The following PTPRT variants were observed in gnomAD, a reference collection of about 807,000 sequenced individuals.
The protein encoded by PTPRT is receptor-type tyrosine-protein phosphatase T.
PTPRT carries 56 observed loss-of-function variants against 176.8 expected under a neutral mutation model. The ratio of observed to expected loss-of-function variants is 0.32; its 90% CI spans 0.26 to 0.40. The LOEUF (loss-of-function observed/expected upper bound fraction) is 0.40. Ranked by LOEUF, PTPRT falls within the 10% of genes least tolerant of loss-of-function variation. The pLI, the probability that PTPRT is intolerant of heterozygous loss-of-function variation, is 1.00. For missense variants in PTPRT, 1,540 were observed against 1,908.2 expected (o/e 0.81, Z 3.60); for synonymous variants, 783 against 739.0 (o/e 1.06, Z -0.96).
At chr20:42,323,211 A>C (rs1405096352) in intron 11 of PTPRT, among the ~76,000 whole-genome samples, 1 of 151,746 alleles carries the variant, frequency 6.6e-6, no homozygotes, top group Non-Finnish European at 1.5e-5. Context: ...GCGATTCCTC[A>C]GGGATCTAGA....
chr20:42,081,086 G>A (rs1983280073), intron 30 of PTPRT, among the ~76,000 whole-genome samples, 154 bp from the exon 31 acceptor site: 2 of 152,050 alleles, frequency 1.3e-5, no homozygotes, highest in Admixed American at 6.5e-5. Context: ...CCCATATCTG[G>A]ACATCCTTCA....
intron 1 of PTPRT, among the ~76,000 whole-genome samples, chr20:42,990,201 G>A (rs969408423): frequency 6.6e-6 from 1 of 152,090 alleles, no homozygotes. Flanking sequence ...TTAGAACAGG[G>A]GTCAGAAAAC....
At chr20:42,062,680 C>T in the PTPRT span, among the ~76,000 whole-genome samples, 1 of 152,326 alleles carries the variant, frequency 6.6e-6, no homozygotes, top group South Asian at 2.1e-4. Flanking sequence ...GGCCTCTGCC[C>T]CCTTTTTTTC....
intron 7 of PTPRT, among the ~76,000 whole-genome samples, chr20:42,671,999 C>T (rs2075420981): frequency 6.6e-6 from 1 of 152,210 alleles, no homozygotes; most frequent in South Asian, 2.1e-4. Context: ...TACATCTTCA[C>T]CTCCAACACA....
At chr20:42,637,953 C>A (rs765087265) in intron 7 of PTPRT, among the ~76,000 whole-genome samples, 21 of 152,064 alleles carry the variant, frequency 1.4e-4, no homozygotes, top group African/African-American at 2.2e-4. Flanking sequence ...GAGAGAATTT[C>A]TGTTATACAT....
intron 1 of PTPRT, among the ~76,000 whole-genome samples, chr20:43,142,554 C>G (rs1314246463): frequency 6.6e-6 from 1 of 152,204 alleles, no homozygotes; most frequent in Non-Finnish European, 1.5e-5. Context: ...AAGAATCGTG[C>G]TGCTTGCTGT....
intron 14 of PTPRT, among the ~76,000 whole-genome samples, chr20:42,246,825 C>A (rs2056460268): frequency 6.6e-6 from 1 of 152,190 alleles, no homozygotes; most frequent in African/African-American, 2.4e-5. Context: ...CAATCCCAAA[C>A]TCACCTCTGC....
At chr20:42,509,444 T>C (rs1400999505) in intron 7 of PTPRT, among the ~76,000 whole-genome samples, 8 of 97,472 alleles carry the variant, frequency 8.2e-5, no homozygotes, top group African/African-American at 3.3e-4. Flanking sequence ...TTATATAATT[T>C]ATATTTAATT....
intron 1 of PTPRT, among the ~76,000 whole-genome samples, chr20:43,134,390 G>C (rs567918450): frequency 2.0e-5 from 3 of 152,238 alleles, no homozygotes; most frequent in African/African-American, 7.2e-5. Context: ...TTTGCTCTCT[G>C]ATCTCCCTCA....
intron 1 of PTPRT, among the ~76,000 whole-genome samples, chr20:43,124,878 T>C (rs2013384410): frequency 1.3e-5 from 2 of 152,222 alleles, no homozygotes; most frequent in Non-Finnish European, 2.9e-5. Flanking sequence ...GACTGGAGTG[T>C]TAGAAAGTCA....
chr20:42,373,401 T>C (rs2058612331), intron 9 of PTPRT, among the ~76,000 whole-genome samples: 1 of 152,230 alleles, frequency 6.6e-6, no homozygotes, highest in Non-Finnish European at 1.5e-5. Context: ...TTGTGCTTTC[T>C]AAATATTTAG....
chr20:42,047,812 A>G, the PTPRT span, among the ~76,000 whole-genome samples: 1 of 152,102 alleles, frequency 6.6e-6, no homozygotes, highest in African/African-American at 2.4e-5. Context: ...ACCTTTTTGT[A>G]TTGAAGGAGG....
At chr20:42,736,185 A>C (rs1351519059) in intron 6 of PTPRT, among the ~76,000 whole-genome samples, 2 of 152,166 alleles carry the variant, frequency 1.3e-5, no homozygotes, top group Non-Finnish European at 2.9e-5. Context: ...ATGGTGGGGA[A>C]AGTTTCAGGT....
chr20:42,090,402 G>A (rs1314213932), intron 27 of PTPRT, among the ~76,000 whole-genome samples: 1 of 151,396 alleles, frequency 6.6e-6, no homozygotes, highest in Non-Finnish European at 1.5e-5. Flanking sequence ...AGATCTGTGG[G>A]TTGCTCCGAT....
At chr20:43,044,122 G>A (rs956989612) in intron 1 of PTPRT, among the ~76,000 whole-genome samples, 3 of 152,140 alleles carry the variant, frequency 2.0e-5, no homozygotes, top group African/African-American at 4.8e-5. Flanking sequence ...CCAGCCGCCA[G>A]CCTGAGAAAA....
intron 21 of PTPRT, chr20:42,116,185 C>A: frequency 2.9e-6 from 2 of 698,048 alleles, no homozygotes; most frequent in Non-Finnish European, 5.3e-6. Context: ...TGCTGTATTA[C>A]ACAGTTAAAT....
At chr20:42,952,044 C>A (rs1461206663) in intron 1 of PTPRT, among the ~76,000 whole-genome samples, 2 of 152,164 alleles carry the variant, frequency 1.3e-5, no homozygotes, top group African/African-American at 4.8e-5. Context: ...ATACTAAATG[C>A]TATTAGGGTT....
chr20:43,140,937 G>A (rs1370407363), intron 1 of PTPRT, among the ~76,000 whole-genome samples: 2 of 152,088 alleles, frequency 1.3e-5, no homozygotes, highest in East Asian at 1.9e-4. Context: ...CTGGTGTCTG[G>A]TGAGTCAACA....
At chr20:42,442,340 G>GA (rs930291172) in intron 9 of PTPRT, among the ~76,000 whole-genome samples, 15 of 152,134 alleles carry the variant, frequency 9.9e-5, no homozygotes, top group Admixed American at 5.2e-4. Context: ...TCTGTGTGCT[G>GA]AAAAAAATAT....
Sources: gnomAD v4.1 joint callset for allele counts (sites outside exome capture counted in the v4.1 genomes callset) on GRCh38, gnomAD v4.1.1 for gene constraint, MANE v1.5 for transcripts, NCBI Gene and HGNC (gene_info 2026-07-23, HGNC 2026-07-21) for gene names.